RIC8A: variants seen among roughly 807,000 people sequenced by gnomAD.
RIC8A encodes RIC8 guanine nucleotide exchange factor A.
RIC8A carries 37 observed loss-of-function variants against 48.4 expected under a neutral mutation model. The ratio of observed to expected loss-of-function variants is 0.77; its 90% CI spans 0.59 to 1.01. The LOEUF (loss-of-function observed/expected upper bound fraction) is 1.01. Among genes scored for constraint, RIC8A ranks in the 50% least tolerant of loss-of-function variants. The pLI, the probability that RIC8A is intolerant of heterozygous loss-of-function variation, is 0.00. For missense variants in RIC8A, 681 were observed against 696.8 expected, an observed-to-expected ratio of 0.98 and a Z score of 0.25; for synonymous variants, 288 against 283.4, an observed-to-expected ratio of 1.02 and a Z score of -0.16.
chr11:212,600 T>G lies in RIC8A; in HGVS notation c.1066-15T>G, dbSNP rs757564551. 6.2e-7 allele frequency: 1 copy of G among 1,613,768 alleles called. No homozygotes were observed. Among genetic ancestry groups the G allele is most frequent in the South Asian group, 1.1e-5 (1 of 90,968 alleles). The stretch of plus-strand genomic sequence containing the variant: ...GCTGCTCTAAGCCCAAGCTTAGGGA[T>G]GGCCACCTCCCCAGGTGCTGCCCCC... On this transcript the variant is annotated splice_polypyrimidine_tract_variant and intron_variant, in intron 6 of 9. Coordinates refer to ENST00000526104, the MANE Select transcript of RIC8A (RefSeq NM_001286134.2).
chr11:210,533 G>A lies in RIC8A; in HGVS notation c.727-38G>A, dbSNP rs776603271. On this transcript the variant is annotated intron_variant, in intron 3 of 9. Transcript: ENST00000526104. Reference sequence around the variant, plus strand: ...GCCTCAGCAGGCAGCAGTGGGATGAGTGGGGCTCCTCACAGGAACCCTTCT... The same window carrying A: ...GCCTCAGCAGGCAGCAGTGGGATGAATGGGGCTCCTCACAGGAACCCTTCT... 3 of 1,579,548 alleles carry A rather than the reference G, an allele frequency of 1.9e-6. No homozygotes were observed. The African/African-American group carries it at 4.0e-5, about 21-fold the overall frequency.
At position 212,889 on chromosome 11, in the gene RIC8A, T is replaced by C; in HGVS notation, c.1263T>C (p.Ala421=). The part of the protein sequence containing the change: ...TGYGNAAGLL[A]ARGLMAGGRP... ...ATGGGAATGCTGCTGGCCTTCTGGC[T>C]GCCAGGGGCCTCATGGCAGGAGGCC... The change falls in exon 8 of 10, where the codon GCT becomes GCC. Residue 421 remains alanine, a synonymous_variant. Transcript: ENST00000526104. 6.2e-7 allele frequency: 1 copy of C among 1,606,784 alleles called. No individual in the cohort carries two copies. Among genetic ancestry groups the C allele is most frequent in the Non-Finnish European group, 8.5e-7 (1 of 1,176,332 alleles).
At position 212,628 on chromosome 11, in the gene RIC8A, T is replaced by C; in HGVS notation, c.1079T>C (p.Leu360Pro). The change falls in exon 7 of 10, where the codon CTG (leucine) becomes CCG (proline). Residue 360 changes from leucine (L) to proline (P), a missense_variant. Transcript: ENST00000526104. Reference protein sequence around the residue: ...KFLKAQVLPPLRDVRTRPEVG... With the variant: ...KFLKAQVLPPPRDVRTRPEVG... ...CCACCTCCCCAGGTGCTGCCCCCTCTGCGGGATGTGAGGACACGGCCTGAG... is the reference window on the plus strand; with the variant it reads ...CCACCTCCCCAGGTGCTGCCCCCTCCGCGGGATGTGAGGACACGGCCTGAG... 6.2e-7 allele frequency: 1 copy of C among 1,614,046 alleles called. No individual in the cohort carries two copies.
Position 214,299 on chromosome 11 carries a change from C to T in RIC8A, c.1545C>T (p.Cys515=), listed in dbSNP as rs767667511. 3.7e-6 allele frequency: 6 copies of T among 1,613,038 alleles called. No homozygotes were observed. Among genetic ancestry groups the T allele is most frequent in the East Asian group, 4.5e-5 (2 of 44,872 alleles). ...TTACGTCCCTGCAGGATGCCATGTG[C>T]GAGACTATGGAGCAGCAGCTCTCCT... is the stretch of plus-strand genomic sequence containing the variant. The part of the protein sequence containing the change: ...GHLTSLQDAM[C]ETMEQQLSSD... Residue 515 remains cysteine (C), a synonymous_variant, in exon 10 of 10, where the codon TGC becomes TGT. Coordinates refer to ENST00000526104, the MANE Select transcript of RIC8A (RefSeq NM_001286134.2).
chr11:210,429 A>G, intron 3 of RIC8A, 142 bp from the exon 4 acceptor site: 1 of 839,768 alleles, frequency 1.2e-6, no homozygotes, highest in Non-Finnish European at 2.1e-6. Flanking sequence ...TCACCTAGGA[A>G]GACCCCAGGG....
At chr11:212,339 G>T (rs1284001577) in intron 5 of RIC8A, 77 bp from the exon 6 acceptor site, 4 of 1,397,782 alleles carry the variant, frequency 2.9e-6, no homozygotes, top group Non-Finnish European at 3.0e-6. Flanking sequence ...GTGGGAAGGG[G>T]TGGTGGGGAG....
chr11:212,367 T>C, intron 5 of RIC8A, 49 bp from the exon 6 acceptor site: 1 of 1,573,776 alleles, frequency 6.4e-7, no homozygotes, highest in African/African-American at 1.4e-5. Flanking sequence ...TCTGTGCCAG[T>C]CACAAGTTAG....
chr11:211,129 G>C lies in RIC8A; in HGVS notation c.819-70G>C. ...CAGCTCATGTAATGTGTGGTTCAGCGGAGTCACAAAGATTGCACCTGTGCT... is the reference window on the plus strand; with the variant it reads ...CAGCTCATGTAATGTGTGGTTCAGCCGAGTCACAAAGATTGCACCTGTGCT... On this transcript the variant is annotated intron_variant, in intron 4 of 9. Coordinates refer to ENST00000526104, the MANE Select transcript of RIC8A (RefSeq NM_001286134.2). The surrounding 1 kb of genome is among the most constrained non-coding windows in gnomAD (Gnocchi z 4.0). The C allele has an allele frequency of 6.7e-7, 1 of 1,496,444 alleles. No homozygotes were observed. The highest frequency in any genetic ancestry group is 1.4e-5 in the African/African-American group (1 of 71,852). The allele number at this position is 1,496,444 out of a possible 1,614,324, so 92.7% of individuals were successfully genotyped here. A position where few individuals can be genotyped will look rare whatever the true frequency, so the allele number is the denominator to read the frequency against.
In RIC8A at chr11:214,611, C is replaced by T. The variant is rs1276809232; in HGVS notation, c.*261C>T. 35 of 533,900 alleles carry T rather than the reference C, an allele frequency of 6.6e-5. No homozygotes were observed. The highest frequency in any genetic ancestry group is 9.6e-5 in the Non-Finnish European group (28 of 290,528). The allele number at this position is 533,900 out of a possible 1,614,324, so 33.1% of individuals were successfully genotyped here. A position where few individuals can be genotyped will look rare whatever the true frequency, so the allele number is the denominator to read the frequency against. ...CAGACGAAGTACTTTCTTTTGTCTGCGCCAAGAGGAATGTGTTCAGAAGCT... is the reference window on the plus strand; with the variant it reads ...CAGACGAAGTACTTTCTTTTGTCTGTGCCAAGAGGAATGTGTTCAGAAGCT... On this transcript the variant is annotated 3_prime_UTR_variant, in exon 10 of 10. Transcript: ENST00000526104.
At chr11:213,703 G>C (rs1855437969) in intron 9 of RIC8A, 1 of 300,346 alleles carries the variant, frequency 3.3e-6, no homozygotes, top group African/African-American at 2.2e-5. Flanking sequence ...CCAGCACTTT[G>C]GGAGACTGAG....
chr11:212,242 A>T, intron 5 of RIC8A, 174 bp from the exon 6 acceptor site: 1 of 625,636 alleles, frequency 1.6e-6, no homozygotes, highest in Middle Eastern at 4.3e-4. Flanking sequence ...ACAGACACCC[A>T]CCACCCACTC....
Position 210,523 on chromosome 11 carries a change from A to C in RIC8A, c.727-48A>C, listed in dbSNP as rs1010563382. The C allele has an allele frequency of 1.5e-5, 23 of 1,504,484 alleles. No individual in the cohort carries two copies. In the African/African-American group the frequency reaches 3.2e-4, roughly 21 times the overall value. 93.2% of individuals were successfully genotyped at this position (1,504,484 alleles called of 1,614,324 possible). The stretch of plus-strand genomic sequence containing the variant: ...AGACAGTGGAGCCTCAGCAGGCAGC[A>C]GTGGGATGAGTGGGGCTCCTCACAG... On this transcript the variant is annotated intron_variant, in intron 3 of 9. Transcript: ENST00000526104.
Position 211,070 on chromosome 11 carries a change from G to T in RIC8A, c.819-129G>T. ...CAGATCAGTCCCTGCCCTTGGCTTT[G>T]GTCCCTAGCGCTGCCCCTTTGGGAC... On this transcript the variant is annotated intron_variant, in intron 4 of 9. Transcript: ENST00000526104. The surrounding 1 kb of genome is among the most constrained non-coding windows in gnomAD (Gnocchi z 4.0). 1 of 985,046 alleles carries T rather than the reference G, an allele frequency of 1.0e-6. No homozygotes were observed. The highest frequency in any genetic ancestry group is 1.5e-6 in the Non-Finnish European group (1 of 665,494). 61.0% of individuals were successfully genotyped at this position (985,046 alleles called of 1,614,324 possible). A position where few individuals can be genotyped will look rare whatever the true frequency, so the allele number is the denominator to read the frequency against.
In RIC8A at chr11:209,461, C is replaced by G; in HGVS notation, c.187C>G (p.Arg63Gly). The change falls in exon 3 of 10, where the codon CGT becomes GGT. Residue 63 changes from arginine to glycine, a missense_variant. Arg to Gly is a moderately radical substitution (Grantham distance 125). Coordinates refer to ENST00000526104, the MANE Select transcript of RIC8A (RefSeq NM_001286134.2). ...VLEQGLPPSH[R>G]VIWLQSVRIL... ...GGAACAGGGCTTGCCACCCTCCCACCGTGTCATCTGGCTGCAGAGTGTCCG... is the reference window on the plus strand; with the variant it reads ...GGAACAGGGCTTGCCACCCTCCCACGGTGTCATCTGGCTGCAGAGTGTCCG... The G allele has an allele frequency of 6.2e-7, 1 of 1,605,760 alleles. No homozygotes were observed.
rs755132850 is a variant in RIC8A at position 209,541 on chromosome 11, G to A, written c.267G>A (p.Leu89=). The change falls in exon 3 of 10, where the codon CTG becomes CTA. Residue 89 remains leucine (L), a synonymous_variant. Transcript: ENST00000526104. ...CLDPFTSRQS[L]QALACYADIS... ...ACCCGTTCACCAGCCGCCAGAGCCT[G>A]CAGGCACTAGCCTGCTATGCTGACA... is the stretch of plus-strand genomic sequence containing the variant. 8.1e-6 allele frequency: 13 copies of A among 1,613,956 alleles called. No individual in the cohort carries two copies. Among genetic ancestry groups the A allele is most frequent in the Non-Finnish European group, 5.9e-6 (7 of 1,180,044 alleles).
Position 211,104 on chromosome 11 carries a change from C to T in RIC8A, c.819-95C>T. Reference sequence around the variant, plus strand: ...CGCTGCCCCTTTGGGACTCAGATGCCAGCTCATGTAATGTGTGGTTCAGCG... The same window carrying T: ...CGCTGCCCCTTTGGGACTCAGATGCTAGCTCATGTAATGTGTGGTTCAGCG... On this transcript the variant is annotated intron_variant, in intron 4 of 9. Coordinates refer to ENST00000526104, the MANE Select transcript of RIC8A (RefSeq NM_001286134.2). This position sits in a 1 kb window ranked among gnomAD's most constrained non-coding sequence, Gnocchi z 4.0. 1.5e-6 allele frequency: 2 copies of T among 1,378,014 alleles called. No homozygotes were observed. The highest frequency in any genetic ancestry group is 2.0e-6 in the Non-Finnish European group (2 of 1,003,360). The allele number at this position is 1,378,014 out of a possible 1,614,324, so 85.4% of individuals were successfully genotyped here. A position where few individuals can be genotyped will look rare whatever the true frequency, so the allele number is the denominator to read the frequency against.
At position 208,796 on chromosome 11, in the gene RIC8A, C is replaced by T. The variant is rs1855258621; in HGVS notation, c.-59C>T. 5.5e-6 allele frequency: 8 copies of T among 1,448,570 alleles called. No individual in the cohort carries two copies. Among genetic ancestry groups the T allele is most frequent in the South Asian group, 3.6e-5 (3 of 82,496 alleles). The allele number at this position is 1,448,570 out of a possible 1,614,324, so 89.7% of individuals were successfully genotyped here. On this transcript the variant is annotated 5_prime_UTR_variant, in exon 1 of 10. Coordinates refer to ENST00000526104, the MANE Select transcript of RIC8A (RefSeq NM_001286134.2). The surrounding 1 kb of genome is among the most constrained non-coding windows in gnomAD (Gnocchi z 4.8). ...GGGGCTTTCTGGGCCAGGGCGGGGC[C>T]GGCGAACTGCGGCCCGGAACGGCTG...
chr11:211,641 T>C lies in RIC8A; in HGVS notation c.969+292T>C, dbSNP rs1048736224. ...GCCCCCCAGTCCCTACTTTTAAGTC[T>C]TAAACACAGGCAGCCCTTGATTACA... On this transcript the variant is annotated intron_variant, in intron 5 of 9. Coordinates refer to ENST00000526104, the MANE Select transcript of RIC8A (RefSeq NM_001286134.2). This position sits in a 1 kb window ranked among gnomAD's most constrained non-coding sequence, Gnocchi z 4.0. 7.0e-6 allele frequency: 2 copies of C among 287,470 alleles called. No individual in the cohort carries two copies. The highest frequency in any genetic ancestry group is 4.4e-5 in the African/African-American group (2 of 45,962). 17.8% of individuals were successfully genotyped at this position (287,470 alleles called of 1,614,324 possible).
chr11:208,573 T>A lies in RIC8A; in HGVS notation c.-282T>A, dbSNP rs868751102. The A allele has an allele frequency of 2.9e-6, 1 of 350,060 alleles. No homozygotes were observed. Among genetic ancestry groups the A allele is most frequent in the African/African-American group, 2.2e-5 (1 of 45,820 alleles). The allele number at this position is 350,060 out of a possible 1,614,324, so 21.7% of individuals were successfully genotyped here. ...TGAGATCGTTTCCTGTTGGAACTTC[T>A]GGCCCAAGAAGCGCGGGTCACAAGG... On this transcript the variant is annotated 5_prime_UTR_variant, in exon 1 of 10. Coordinates refer to ENST00000526104, the MANE Select transcript of RIC8A (RefSeq NM_001286134.2). This position sits in a 1 kb window ranked among gnomAD's most constrained non-coding sequence, Gnocchi z 4.8.
Sources: allele counts gnomAD v4.1 joint callset, GRCh38; gene constraint gnomAD v4.1.1; non-coding constraint Gnocchi (gnomAD v3.1); transcripts MANE v1.5; gene names NCBI Gene and HGNC (gene_info 2026-07-23, HGNC 2026-07-21).